The following CYP24A1 variants were observed in gnomAD, a reference collection of about 807,000 sequenced individuals.
CYP24A1 encodes 1,25-dihydroxyvitamin D(3) 24-hydroxylase, mitochondrial.
Under a neutral mutation model 62.4 loss-of-function variants are expected in CYP24A1, and 68 were observed. That is an observed-to-expected ratio of 1.09 (90% CI 0.90 to 1.33). CYP24A1 has a LOEUF of 1.33. Among genes scored for constraint, CYP24A1 ranks in the 40% most tolerant of loss-of-function variants. The probability of loss-of-function intolerance (pLI) is 0.00; values close to 1 mark genes in which losing one functional copy is unlikely to be tolerated. For synonymous variants in CYP24A1, 267 were observed against 253.0 expected, an observed-to-expected ratio of 1.06 and a Z score of -0.52; for missense variants, 787 against 653.0, an observed-to-expected ratio of 1.21 and a Z score of -2.24.
chr20:54,158,160 T>C lies in CYP24A1; in HGVS notation c.1162A>G (p.Thr388Ala), dbSNP rs376409540. Residue 388 changes from threonine (T) to alanine (A), a missense_variant, in exon 9 of 12, where the codon ACG becomes GCG. Physicochemically the swap from Thr to Ala is moderately conservative, Grantham distance 58. Coordinates refer to ENST00000216862, the MANE Select transcript of CYP24A1 (RefSeq NM_000782.5). ...KACLKESMRL[T>A]PSVPFTTRTL... ...CGAGTTGTAAATGGTACACTCGGCGTAAGCCTGAAAAGATAAAATCAAAGA... is the reference window on the plus strand; with the variant it reads ...CGAGTTGTAAATGGTACACTCGGCGCAAGCCTGAAAAGATAAAATCAAAGA... 1 of 1,613,856 alleles carries C rather than the reference T, an allele frequency of 6.2e-7. No individual in the cohort carries two copies. The highest frequency in any genetic ancestry group is 1.3e-5 in the African/African-American group (1 of 74,948).
intron 11 of CYP24A1, among the ~76,000 whole-genome samples, chr20:54,155,331 C>T (rs1368577112): frequency 6.6e-6 from 1 of 152,142 alleles, no homozygotes; most frequent in Non-Finnish European, 1.5e-5. Flanking sequence ...CATTGGCAAA[C>T]AGCATTTTTT....
chr20:54,161,626 A>G (rs938873716), intron 7 of CYP24A1, among the ~76,000 whole-genome samples: 8 of 151,916 alleles, frequency 5.3e-5, no homozygotes, highest in African/African-American at 1.9e-4. Context: ...GAAACACAGC[A>G]GTGGACAACT....
chr20:54,158,974 A>G lies in CYP24A1; in HGVS notation c.1140T>C (p.Cys380=). ...DLRNMPYLKA[C]LKESMRLTPS... ...GCTCTTACCTCATAGATTCTTTCAG[A>G]CAGGCTTTTAAATACGGCATATTCC... Residue 380 remains cysteine (C), a synonymous_variant, in exon 8 of 12, where the codon TGT becomes TGC. Coordinates refer to ENST00000216862, the MANE Select transcript of CYP24A1 (RefSeq NM_000782.5). The G allele has an allele frequency of 6.2e-7, 1 of 1,614,184 alleles. No individual in the cohort carries two copies. The highest frequency in any genetic ancestry group is 8.5e-7 in the Non-Finnish European group (1 of 1,180,032).
intron 2 of CYP24A1, chr20:54,171,956 G>C (rs2092695527): frequency 1.8e-6 from 1 of 570,250 alleles, no homozygotes; most frequent in Admixed American, 3.4e-5. Context: ...AGGTGTCCTT[G>C]CAGGGAGTGG....
In CYP24A1 at chr20:54,171,558, C is replaced by T. The variant is rs771162866; in HGVS notation, c.543+19G>A. 1 of 1,613,914 alleles carries T rather than the reference C, an allele frequency of 6.2e-7. No homozygotes were observed. Among genetic ancestry groups the T allele is most frequent in the Non-Finnish European group, 8.5e-7 (1 of 1,179,848 alleles). ...TATGTCCCCACGAGCCCCAGGAAAG[C>T]TGGCCCCAGCCTGCAGACCTCATTG... On this transcript the variant is annotated intron_variant, in intron 3 of 11. Transcript: ENST00000216862.
downstream of CYP24A1, among the ~76,000 whole-genome samples, chr20:54,148,534 A>C (rs745389556): frequency 5.9e-5 from 9 of 152,182 alleles, no homozygotes; most frequent in Admixed American, 2.6e-4. Context: ...GACTTCTTGA[A>C]GAAACAGATG....
In CYP24A1 at chr20:54,173,599, G is replaced by A; in HGVS notation, c.-20C>T. On this transcript the variant is annotated 5_prime_UTR_variant, in exon 1 of 12. Coordinates refer to ENST00000216862, the MANE Select transcript of CYP24A1 (RefSeq NM_000782.5). This position sits in a 1 kb window ranked among gnomAD's most constrained non-coding sequence, Gnocchi z 7.2. ...GCTCATGGCAGCGGGGGACACCGGAGCGCGGGAAGGCAGGAGGATGGGGTG... is the reference window on the plus strand; with the variant it reads ...GCTCATGGCAGCGGGGGACACCGGAACGCGGGAAGGCAGGAGGATGGGGTG... 6.4e-7 allele frequency: 1 copy of A among 1,555,572 alleles called. No individual in the cohort carries two copies. Among genetic ancestry groups the A allele is most frequent in the Non-Finnish European group, 8.7e-7 (1 of 1,152,892 alleles).
At chr20:54,172,811 A>G in intron 2 of CYP24A1, 98 bp downstream of exon 2, 1 of 1,594,390 alleles carries the variant, frequency 6.3e-7, no homozygotes, top group Non-Finnish European at 8.5e-7. Flanking sequence ...AGAAGCTTCC[A>G]ACCCCAGGGA....
rs1314623290 is a variant in CYP24A1 at position 54,154,138 on chromosome 20, C to A, written c.*634G>T. 3 of 152,100 alleles carry A rather than the reference C, an allele frequency of 2.0e-5. No individual in the cohort carries two copies. The highest frequency in any genetic ancestry group is 4.4e-5 in the Non-Finnish European group (3 of 68,020). 9.4% of individuals were successfully genotyped at this position (152,100 alleles called of 1,614,324 possible). On this transcript the variant is annotated 3_prime_UTR_variant, in exon 12 of 12. Coordinates refer to ENST00000216862, the MANE Select transcript of CYP24A1 (RefSeq NM_000782.5). ...CACAATTTAAAAATTATTGCTTCAT[C>A]TTTACCCTAATGCCATAAAGGAATC...
chr20:54,159,000 T>G lies in CYP24A1; in HGVS notation c.1114A>C (p.Arg372=). Residue 372 remains arginine (R), a synonymous_variant, in exon 8 of 12, where the codon AGG becomes CGG. Transcript: ENST00000216862. ...ENQVPRAEDL[R]NMPYLKACLK... ...CAGGCTTTTAAATACGGCATATTCC[T>G]CAAATCTTCTGCCCGTGGCACCTGA... is the stretch of plus-strand genomic sequence containing the variant. 1 of 1,614,212 alleles carries G rather than the reference T, an allele frequency of 6.2e-7. No homozygotes were observed. The highest frequency in any genetic ancestry group is 8.5e-7 in the Non-Finnish European group (1 of 1,180,028).
chr20:54,162,220 CTTTTTTTTTTTTTTTTTTTTT>C (rs530338632), intron 7 of CYP24A1, among the ~76,000 whole-genome samples: 1 of 72,534 alleles, frequency 1.4e-5, no homozygotes, highest in Non-Finnish European at 2.4e-5. Flanking sequence ...GAGAGTATGC[CTTTTTTTTTTTTTTTTTTTTT>C]TTTTTTTTTT....
chr20:54,162,636 G>A (rs58658819), intron 7 of CYP24A1, 81 bp downstream of exon 7: 1 of 751,464 alleles, frequency 1.3e-6, no homozygotes, highest in African/African-American at 2.2e-5. Flanking sequence ...AAATGAATGA[G>A]ATGAATTACT....
At chr20:54,163,943 T>G (rs1287211163) in intron 6 of CYP24A1, among the ~76,000 whole-genome samples, 5 of 152,206 alleles carry the variant, frequency 3.3e-5, no homozygotes, top group African/African-American at 1.2e-4. Context: ...TAAATTTTAC[T>G]TTTTTATTTT....
At chr20:54,155,852 T>C (rs1300340011) in intron 11 of CYP24A1, among the ~76,000 whole-genome samples, 1 of 152,190 alleles carries the variant, frequency 6.6e-6, no homozygotes, top group Non-Finnish European at 1.5e-5. Context: ...TTACTAACTC[T>C]TAATTTCATT....
At position 54,173,344 on chromosome 20, in the gene CYP24A1, AG is replaced by A; in HGVS notation, c.235del (p.Leu79SerfsTer21). The stretch of plus-strand genomic sequence containing the variant: ...TACCAGGGTGTCGTGCTGTTTCTTG[AG>A]ACCCCCTTTCCAGAGAATCTGCAGC... ...SLLQILWKGG[L>X]KKQHDTLVEY... On this transcript the variant is annotated frameshift_variant, in exon 1 of 12. Transcript: ENST00000216862. LOFTEE classifies it high-confidence loss of function. The surrounding 1 kb of genome is among the most constrained non-coding windows in gnomAD (Gnocchi z 7.2). 1 of 1,608,238 alleles carries A rather than the reference AG, an allele frequency of 6.2e-7. No individual in the cohort carries two copies. Among genetic ancestry groups the A allele is most frequent in the Non-Finnish European group, 8.5e-7 (1 of 1,176,726 alleles).
In CYP24A1 at chr20:54,173,163, C is replaced by A; in HGVS notation, c.259-64G>T. 2 of 1,563,794 alleles carry A rather than the reference C, an allele frequency of 1.3e-6. No homozygotes were observed. Among genetic ancestry groups the A allele is most frequent in the Non-Finnish European group, 1.7e-6 (2 of 1,146,420 alleles). ...CCTCCGCCGTGCCCGAAGCGCTTTC[C>A]CTCCTCCCGCCTCCTTCCTCCTAGG... On this transcript the variant is annotated intron_variant, in intron 1 of 11. Coordinates refer to ENST00000216862, the MANE Select transcript of CYP24A1 (RefSeq NM_000782.5). The surrounding 1 kb of genome is among the most constrained non-coding windows in gnomAD (Gnocchi z 7.2).
chr20:54,173,093 AC>A lies in CYP24A1; in HGVS notation c.264del (p.Glu88AspfsTer12). 6.2e-7 allele frequency: 1 copy of A among 1,602,432 alleles called. No individual in the cohort carries two copies. Among genetic ancestry groups the A allele is most frequent in the Non-Finnish European group, 8.5e-7 (1 of 1,179,826 alleles). ...GLKKQHDTLV[E>X]YHKKYGKIFR... ...AAAATCTTGCCATACTTCTTGTGGT[AC>A]TCCACCTGCAGCCGGCCGGGCACAG... On this transcript the variant is annotated frameshift_variant, in exon 2 of 12. Transcript: ENST00000216862. LOFTEE classifies it high-confidence loss of function. This position sits in a 1 kb window ranked among gnomAD's most constrained non-coding sequence, Gnocchi z 7.2.
chr20:54,144,316 C>G, the CYP24A1 span, among the ~76,000 whole-genome samples: 2 of 151,470 alleles, frequency 1.3e-5, no homozygotes, highest in East Asian at 3.9e-4. Context: ...GCTCAAGTGT[C>G]ACAGCTCACT....
At chr20:54,158,612 CT>C (rs1345091265) in intron 8 of CYP24A1, among the ~76,000 whole-genome samples, 1 of 152,178 alleles carries the variant, frequency 6.6e-6, no homozygotes, top group Non-Finnish European at 1.5e-5. Flanking sequence ...AAAAGCAAAG[CT>C]TTCTCTGTGT....
Sources: gnomAD v4.1 joint callset for allele counts (sites outside exome capture counted in the v4.1 genomes callset) on GRCh38, gnomAD v4.1.1 for gene constraint, Gnocchi (gnomAD v3.1) non-coding constraint, MANE v1.5 for transcripts, NCBI Gene and HGNC (gene_info 2026-07-23, HGNC 2026-07-21) for gene names.